WDR7: variants seen among roughly 807,000 people sequenced by gnomAD.
WDR7 encodes WD repeat domain 7.
Under a neutral mutation model 169.4 loss-of-function variants are expected in WDR7, and 46 were observed. The ratio of observed to expected loss-of-function variants is 0.27; its 90% CI spans 0.21 to 0.35. WDR7 has a LOEUF of 0.35. Ranked by LOEUF, WDR7 falls within the 10% of genes least tolerant of loss-of-function variation. The pLI, the probability that WDR7 is intolerant of heterozygous loss-of-function variation, is 1.00. For missense variants in WDR7, 1,534 were observed against 1,859.3 expected (o/e 0.83, Z 3.22); for synonymous variants, 612 against 666.8 (o/e 0.92, Z 1.27).
intron 14 of WDR7, among the ~76,000 whole-genome samples, chr18:56,754,390 TAC>T (rs2043848614): frequency 6.7e-6 from 1 of 150,324 alleles, no homozygotes; most frequent in African/African-American, 2.5e-5. Context: ...TGTGTATATA[TAC>T]GTGTATATAT....
At chr18:56,950,614 C>T (rs1299066795) in intron 25 of WDR7, among the ~76,000 whole-genome samples, 1 of 152,092 alleles carries the variant, frequency 6.6e-6, no homozygotes, top group East Asian at 1.9e-4. Context: ...TCTGCATCTC[C>T]CATATCCCAA....
intron 25 of WDR7, among the ~76,000 whole-genome samples, chr18:56,953,406 C>G (rs1200557943): frequency 6.6e-6 from 1 of 151,940 alleles, no homozygotes; most frequent in Non-Finnish European, 1.5e-5. Context: ...TACCCAATTC[C>G]AAAATTAGAA....
intron 12 of WDR7, among the ~76,000 whole-genome samples, chr18:56,702,272 C>CT: frequency 6.6e-6 from 1 of 152,182 alleles, no homozygotes; most frequent in East Asian, 1.9e-4. Context: ...TATCGTTCTC[C>CT]TTTTATTATA....
intron 25 of WDR7, among the ~76,000 whole-genome samples, chr18:56,952,388 G>T (rs998995759): frequency 6.6e-6 from 1 of 152,162 alleles, no homozygotes; most frequent in Non-Finnish European, 1.5e-5. Context: ...TACTTTTCTC[G>T]TGACTGACTT....
At chr18:56,951,888 C>T (rs1568283148) in intron 25 of WDR7, among the ~76,000 whole-genome samples, 1 of 152,070 alleles carries the variant, frequency 6.6e-6, no homozygotes, top group African/African-American at 2.4e-5. Flanking sequence ...TGAGTTATAA[C>T]TATCAATATT....
intron 20 of WDR7, among the ~76,000 whole-genome samples, chr18:56,862,851 A>G (rs2045827582): frequency 6.6e-6 from 1 of 151,844 alleles, no homozygotes. Flanking sequence ...CTTCCAATTG[A>G]TTTCCAATAA....
At chr18:56,775,347 A>G (rs1224539932) in intron 16 of WDR7, among the ~76,000 whole-genome samples, 1 of 152,148 alleles carries the variant, frequency 6.6e-6, no homozygotes, top group Non-Finnish European at 1.5e-5. Context: ...ACTCCTGGCT[A>G]CCAAGGCTTA....
chr18:56,965,673 T>C (rs915120126), intron 26 of WDR7, among the ~76,000 whole-genome samples: 1 of 152,140 alleles, frequency 6.6e-6, no homozygotes, highest in Non-Finnish European at 1.5e-5. Context: ...ATTGAGTAGT[T>C]GTCACTGGCA....
At chr18:56,869,325 A>G (rs973212667) in intron 20 of WDR7, among the ~76,000 whole-genome samples, 6 of 152,218 alleles carry the variant, frequency 3.9e-5, no homozygotes, top group Non-Finnish European at 7.3e-5. Flanking sequence ...GCAGCTGCAG[A>G]AAGAAATATG....
intron 13 of WDR7, among the ~76,000 whole-genome samples, chr18:56,727,011 A>C (rs2026472710): frequency 6.6e-6 from 1 of 152,130 alleles, no homozygotes; most frequent in Non-Finnish European, 1.5e-5. Flanking sequence ...TCACCCTGGT[A>C]GTCTATTCTG....
At chr18:56,928,490 T>TA (rs2046837207) in intron 22 of WDR7, among the ~76,000 whole-genome samples, 1 of 152,154 alleles carries the variant, frequency 6.6e-6, no homozygotes, top group Non-Finnish European at 1.5e-5. Context: ...ATCTCAAACA[T>TA]AATTTCCTTC....
chr18:56,944,119 G>C (rs1245341875), intron 25 of WDR7, among the ~76,000 whole-genome samples: 1 of 150,856 alleles, frequency 6.6e-6, no homozygotes, highest in Admixed American at 6.6e-5. Context: ...CTCCCAAGTA[G>C]CTGGGACTTC....
chr18:56,930,356 A>G (rs926493908), intron 22 of WDR7, among the ~76,000 whole-genome samples: 1 of 152,168 alleles, frequency 6.6e-6, no homozygotes, highest in African/African-American at 2.4e-5. Context: ...TCATGCAAAC[A>G]CTAAGATGCT....
At chr18:56,710,197 G>A (rs997005443) in intron 12 of WDR7, among the ~76,000 whole-genome samples, 3 of 152,000 alleles carry the variant, frequency 2.0e-5, no homozygotes, top group Non-Finnish European at 2.9e-5. Context: ...TAGACACGGG[G>A]TTTCACCGTG....
chr18:56,948,643 T>C (rs1351692065), intron 25 of WDR7, among the ~76,000 whole-genome samples: 2 of 152,216 alleles, frequency 1.3e-5, no homozygotes, highest in Non-Finnish European at 2.9e-5. Context: ...AAAATTTTGA[T>C]TCTATAAAAG....
intron 19 of WDR7, among the ~76,000 whole-genome samples, chr18:56,809,667 A>G (rs1362508686): frequency 6.6e-6 from 1 of 152,086 alleles, no homozygotes; most frequent in Non-Finnish European, 1.5e-5. Context: ...TTTTTGTAGC[A>G]GGGAGAACTA....
intron 22 of WDR7, among the ~76,000 whole-genome samples, chr18:56,928,163 T>G (rs2046832827): frequency 6.6e-6 from 1 of 152,208 alleles, no homozygotes; most frequent in South Asian, 2.1e-4. Flanking sequence ...GATTCTCCCA[T>G]GTAAAACTGA....
chr18:56,883,496 CTTGTTTTT>C (rs2046141678), intron 21 of WDR7, among the ~76,000 whole-genome samples: 1 of 147,538 alleles, frequency 6.8e-6, no homozygotes, highest in Non-Finnish European at 1.5e-5. Flanking sequence ...ATCTCTCAGT[CTTGTTTTT>C]TTGTTTTTTT....
rs2048394512 is a variant in WDR7, at chr18:57,028,137, C to T, written c.*930C>T. On this transcript the variant is annotated 3_prime_UTR_variant, in exon 28 of 28. Coordinates refer to ENST00000254442, the MANE Select transcript of WDR7 (RefSeq NM_015285.3). ...GGAAAACTTGCAATCCTGTAGTTCCCATATGTGTGGCATATGTCAGTTATG... is the reference window on the plus strand; with the variant it reads ...GGAAAACTTGCAATCCTGTAGTTCCTATATGTGTGGCATATGTCAGTTATG... 6.6e-6 allele frequency: 1 copy of T among 152,154 alleles called. No homozygotes were observed. The highest frequency in any genetic ancestry group is 2.1e-4 in the South Asian group (1 of 4,818). 9.4% of individuals were successfully genotyped at this position (152,154 alleles called of 1,614,324 possible). A position where few individuals can be genotyped will look rare whatever the true frequency, so the allele number is the denominator to read the frequency against.
Sources: allele counts gnomAD v4.1 joint callset (sites outside exome capture counted in the v4.1 genomes callset), GRCh38; gene constraint gnomAD v4.1.1; transcripts MANE v1.5; gene names NCBI Gene and HGNC (gene_info 2026-07-23, HGNC 2026-07-21).